The following A2M variants were observed in gnomAD, a reference collection of about 807,000 sequenced individuals.
A2M encodes the protein C3 and PZP-like alpha-2-macroglobulin domain-containing protein 5.
In A2M, 128 loss-of-function variants were observed where a neutral mutation model predicts 183.9. The ratio of observed to expected loss-of-function variants is 0.70; its 90% CI spans 0.60 to 0.81. A2M has a LOEUF of 0.81. Ranked by LOEUF, A2M falls within the 30% of genes least tolerant of loss-of-function variation. A2M has a pLI of 0.00. For synonymous variants in A2M, 592 were observed against 670.8 expected (o/e 0.88, Z 1.81); for missense variants, 1,495 against 1,787.6 (o/e 0.84, Z 2.95).
rs372085012 is a variant in A2M at position 9,115,777 on chromosome 12, C to G, written c.73G>C (p.Val25Leu). The change falls in exon 1 of 36, where the codon GTC becomes CTC. Residue 25 changes from valine to leucine, a missense_variant. Physicochemically the swap from Val to Leu is conservative, Grantham distance 32 (BLOSUM62 1). Transcript: ENST00000318602. ...LLVLLPTDASVSGKPQYMVLV... is the reference protein window; with the variant it reads ...LLVLLPTDASLSGKPQYMVLV... ...TGTGGAACTCACGGTTTTCCAGAGA[C>G]TGAGGCGTCTGTGGGCAGGAGGACC... 3 of 1,613,032 alleles carry G rather than the reference C, an allele frequency of 1.9e-6. No homozygotes were observed. Among genetic ancestry groups the G allele is most frequent in the Non-Finnish European group, 1.7e-6 (2 of 1,179,240 alleles).
rs775451550 is a variant in A2M, at chr12:9,072,468, T to C, written c.3994A>G (p.Ile1332Val). Residue 1332 changes from isoleucine to valine, a missense_variant, in exon 31 of 36, where the codon ATT (isoleucine) becomes GTT (valine). Transcript: ENST00000318602. ...GGGAACTCTTCCTTTTCTGGGAGAA[T>C]ATTGTATTTCAAGGATGTCTATAGA... Reference protein sequence around the residue: ...VYLQTSLKYNILPEKEEFPFA... With the variant: ...VYLQTSLKYNVLPEKEEFPFA... 41 of 1,612,026 alleles carry C rather than the reference T, an allele frequency of 2.5e-5. No individual in the cohort carries two copies. Among genetic ancestry groups the C allele is most frequent in the Non-Finnish European group, 3.3e-5 (39 of 1,179,418 alleles).
chr12:9,112,130 T>A, intron 4 of A2M, 29 bp downstream of exon 4: 1 of 1,610,982 alleles, frequency 6.2e-7, no homozygotes, highest in South Asian at 1.1e-5. Context: ...ATACAGACAA[T>A]CATTTTATGT....
chr12:9,093,409 T>C lies in A2M; in HGVS notation c.2240+56A>G. ...AAAAACAGAAAAACTAGCAAAGAGT[T>C]GAAAATAGTCAGGGACCTCTATTGT... On this transcript the variant is annotated intron_variant, in intron 18 of 35. Transcript: ENST00000318602. 7.3e-6 allele frequency: 9 copies of C among 1,226,734 alleles called. No homozygotes were observed. The South Asian group carries it at 9.9e-5, about 13-fold the overall frequency. 76.0% of individuals were successfully genotyped at this position (1,226,734 alleles called of 1,614,324 possible).
rs1948619498 is a variant in A2M at position 9,072,812 on chromosome 12, A to T, written c.3816T>A (p.Thr1272=). The T allele has an allele frequency of 6.2e-7, 1 of 1,614,086 alleles. No homozygotes were observed. The highest frequency in any genetic ancestry group is 8.5e-7 in the Non-Finnish European group (1 of 1,180,030). ...SKYGAATFTR[T]GKAAQVTIQS... Reference sequence around the variant, plus strand: ...GGATAGTCACCTGTGCAGCCTTCCCAGTCCTGGTAAATGTGGCTGCTCCAT... The same window carrying T: ...GGATAGTCACCTGTGCAGCCTTCCCTGTCCTGGTAAATGTGGCTGCTCCAT... Residue 1272 remains threonine (T), a synonymous_variant, in exon 30 of 36, where the codon ACT becomes ACA. Transcript: ENST00000318602.
At chr12:9,073,442 G>T (rs1388314867) in intron 29 of A2M, among the ~76,000 whole-genome samples, 1 of 152,174 alleles carries the variant, frequency 6.6e-6, no homozygotes, top group East Asian at 1.9e-4. Context: ...ATGATTTCCT[G>T]TTCCCAGTGA....
chr12:9,077,086 TC>T, intron 27 of A2M, 150 bp from the exon 28 acceptor site: 1 of 733,140 alleles, frequency 1.4e-6, no homozygotes, highest in Non-Finnish European at 2.1e-6. Flanking sequence ...ATTATTTTTA[TC>T]TGTTATTCTC....
intron 17 of A2M, among the ~76,000 whole-genome samples, chr12:9,093,813 C>A (rs1002310704): frequency 1.4e-5 from 2 of 147,332 alleles, no homozygotes; most frequent in Admixed American, 1.3e-4. Flanking sequence ...GTAATCCCAG[C>A]ACTTTGAGAG....
At chr12:9,112,111 A>G in intron 4 of A2M, 48 bp downstream of exon 4, 1 of 1,592,764 alleles carries the variant, frequency 6.3e-7, no homozygotes, top group Non-Finnish European at 8.6e-7. Context: ...ACAGGTTCCC[A>G]GCCTGTTTAT....
rs981465421 is a variant in A2M, at chr12:9,074,560, C to T, written c.3756G>A (p.Gln1252=). Residue 1252 remains glutamine, a splice_region_variant and synonymous_variant, in exon 29 of 36, where the codon CAG becomes CAA. Transcript: ENST00000318602. The part of the protein sequence containing the change: ...QNAQGGFSST[Q]DTVVALHALS... ...TAAAAGGTTTTGGCAAATCACCAAC[C>T]TGGGTGGAGGAGAAACCGCCCTGGG... The T allele has an allele frequency of 6.2e-7, 1 of 1,607,258 alleles. No homozygotes were observed. The highest frequency in any genetic ancestry group is 1.3e-5 in the African/African-American group (1 of 74,944).
chr12:9,091,175 A>G (rs755324463), intron 19 of A2M, 26 bp downstream of exon 19: 7 of 1,604,220 alleles, frequency 4.4e-6, no homozygotes, highest in Admixed American at 1.7e-5. Flanking sequence ...GCTACCTTGT[A>G]TTTAATTTAG....
intron 15 of A2M, 33 bp downstream of exon 15, chr12:9,098,574 C>G (rs1218153064): frequency 1.1e-5 from 17 of 1,572,204 alleles, no homozygotes; most frequent in Non-Finnish European, 1.5e-5. Context: ...CTGGCACGGC[C>G]CTTCTTGATT....
chr12:9,095,512 A>C, intron 16 of A2M, 27 bp downstream of exon 16: 1 of 1,597,680 alleles, frequency 6.3e-7, no homozygotes, highest in Non-Finnish European at 8.6e-7. Context: ...GCTTAAGATC[A>C]GACCATCTGC....
intron 31 of A2M, 80 bp downstream of exon 31, chr12:9,072,279 C>G: frequency 6.6e-7 from 1 of 1,513,418 alleles, no homozygotes; most frequent in Non-Finnish European, 9.0e-7. Flanking sequence ...TACTGTTGCA[C>G]TGCTTTACTT....
chr12:9,077,937 G>T (rs1948796260), intron 25 of A2M, 80 bp from the exon 26 acceptor site: 29 of 1,556,460 alleles, frequency 1.9e-5, no homozygotes, highest in Non-Finnish European at 2.4e-5. Context: ...GGCTTCATAT[G>T]ATGTGAGTTA....
chr12:9,069,859 C>T, intron 32 of A2M, 46 bp from the exon 33 acceptor site: 1 of 1,558,066 alleles, frequency 6.4e-7, no homozygotes, highest in Non-Finnish European at 8.8e-7. Context: ...TAGATGAAAC[C>T]CCTGGGGGAT....
chr12:9,099,499 A>G lies in A2M; in HGVS notation c.1583T>C (p.Ile528Thr). Reference sequence around the variant, plus strand: ...AGGAGCAATGTCTGACTTCACAGGGATTGAGATGGAAAAATGGCCCTTCAC... The same window carrying G: ...AGGAGCAATGTCTGACTTCACAGGGGTTGAGATGGAAAAATGGCCCTTCAC... ...EDMKGHFSIS[I>T]PVKSDIAPVA... Residue 528 changes from isoleucine to threonine, a missense_variant, in exon 14 of 36, where the codon ATC becomes ACC. Coordinates refer to ENST00000318602, the MANE Select transcript of A2M (RefSeq NM_000014.6). The G allele has an allele frequency of 6.2e-7, 1 of 1,610,104 alleles. No homozygotes were observed. Among genetic ancestry groups the G allele is most frequent in the Non-Finnish European group, 8.5e-7 (1 of 1,178,300 alleles).
In A2M at chr12:9,076,814, A is replaced by G; in HGVS notation, c.3474T>C (p.Gly1158=). 6.2e-7 allele frequency: 1 copy of G among 1,613,932 alleles called. No individual in the cohort carries two copies. The highest frequency in any genetic ancestry group is 2.2e-5 in the East Asian group (1 of 44,864). The change falls in exon 28 of 36, where the codon GGT becomes GGC. Residue 1158 remains glycine, a synonymous_variant. Coordinates refer to ENST00000318602, the MANE Select transcript of A2M (RefSeq NM_000014.6). Reference sequence around the variant, plus strand: ...GTACTTCCTTCCTCTTGTCCTGGTTACCTGCCAGGGCAAAAGCATAGGCCA... The same window carrying G: ...GTACTTCCTTCCTCTTGTCCTGGTTGCCTGCCAGGGCAAAAGCATAGGCCA... The part of the protein sequence containing the change: ...ALLAYAFALA[G]NQDKRKEVLK...
At position 9,068,084 on chromosome 12, in the gene A2M, T is replaced by C. The variant is rs1948448771; in HGVS notation, c.4408+99A>G. ...AATGTGCAGTGTGAGTAATTTGATG[T>C]TTTTGACAAATATTTACCCAGCGTT... is the stretch of plus-strand genomic sequence containing the variant. On this transcript the variant is annotated intron_variant, in intron 35 of 35. Coordinates refer to ENST00000318602, the MANE Select transcript of A2M (RefSeq NM_000014.6). 8 of 1,386,504 alleles carry C rather than the reference T, an allele frequency of 5.8e-6. No individual in the cohort carries two copies. In the South Asian group the frequency reaches 1.0e-4, roughly 18 times the overall value. The allele number at this position is 1,386,504 out of a possible 1,614,324, so 85.9% of individuals were successfully genotyped here.
chr12:9,069,656 A>G (rs554643083), intron 33 of A2M, 89 bp downstream of exon 33: 9 of 890,358 alleles, frequency 1.0e-5, no homozygotes, highest in South Asian at 3.7e-5. Context: ...CATGGAAGTG[A>G]TGTTTCTAAA....
Sources: gnomAD v4.1 joint callset for allele counts (sites outside exome capture counted in the v4.1 genomes callset) on GRCh38, gnomAD v4.1.1 for gene constraint, MANE v1.5 for transcripts, NCBI Gene and HGNC (gene_info 2026-07-23, HGNC 2026-07-21) for gene names.